The following FBN3 variants were observed in gnomAD, a reference collection of about 807,000 sequenced individuals.
The protein encoded by FBN3 is fibrillin 3, also known as fibrillin-3.
In FBN3, 234 loss-of-function variants were observed where a neutral mutation model predicts 330.1. The ratio of observed to expected loss-of-function variants is 0.71; its 90% CI spans 0.64 to 0.79. The LOEUF (loss-of-function observed/expected upper bound fraction) is 0.79, where lower values mean the gene tolerates loss of function less well. Ranked by LOEUF, FBN3 falls within the 30% of genes least tolerant of loss-of-function variation. The pLI, the probability that FBN3 is intolerant of heterozygous loss-of-function variation, is 0.00. For missense variants in FBN3, 3,606 were observed against 3,886.9 expected (o/e 0.93, Z 1.92); for synonymous variants, 1,458 against 1,517.3 (o/e 0.96, Z 0.91).
chr19:8,138,382 A>G (rs1405341774), intron 9 of FBN3, 30 bp downstream of exon 9: 7 of 1,610,058 alleles, frequency 4.3e-6, no homozygotes, highest in Non-Finnish European at 5.1e-6. Flanking sequence ...CTCCTCACCC[A>G]CAGCCCTGCA....
Position 8,083,238 on chromosome 19 carries a change from T to C in FBN3, c.7213+9A>G. 1 of 1,613,914 alleles carries C rather than the reference T, an allele frequency of 6.2e-7. No individual in the cohort carries two copies. The highest frequency in any genetic ancestry group is 8.5e-7 in the Non-Finnish European group (1 of 1,180,000). On this transcript the variant is annotated intron_variant, in intron 57 of 63. Coordinates refer to ENST00000600128, the MANE Select transcript of FBN3 (RefSeq NM_032447.5). ...GGCCAAGGGTGCAGGTGCAGAGGGC[T>C]GGGCTCACCCAGGCAGGTAGTAGCA...
chr19:8,120,754 G>C (rs1465399940), intron 25 of FBN3, among the ~76,000 whole-genome samples: 1 of 152,210 alleles, frequency 6.6e-6, no homozygotes, highest in Non-Finnish European at 1.5e-5. Flanking sequence ...TGGGATTACA[G>C]GCGAGGGCCA....
chr19:8,108,871 A>C (rs1323939545), intron 36 of FBN3, among the ~76,000 whole-genome samples: 2 of 152,152 alleles, frequency 1.3e-5, no homozygotes, highest in African/African-American at 4.8e-5. Context: ...CACAGTCCTG[A>C]AACTGTTGAT....
intron 8 of FBN3, 93 bp from the exon 9 acceptor site, chr19:8,138,657 C>T (rs1398530300): frequency 3.5e-5 from 48 of 1,359,698 alleles, no homozygotes; most frequent in African/African-American, 4.3e-5. Context: ...GCCTGTAGGA[C>T]GGGTCTGTTT....
intron 63 of FBN3, among the ~76,000 whole-genome samples, chr19:8,071,400 G>A (rs1430151744): frequency 1.3e-5 from 2 of 152,202 alleles, no homozygotes; most frequent in African/African-American, 4.8e-5. Flanking sequence ...GAGGGGTACA[G>A]GGCAGATGCT....
chr19:8,095,273 T>C, intron 46 of FBN3, 102 bp downstream of exon 46: 1 of 1,228,712 alleles, frequency 8.1e-7, no homozygotes, highest in Non-Finnish European at 1.1e-6. Flanking sequence ...AAATAAATGC[T>C]TGGGTAGTAA....
chr19:8,142,179 CCT>C (rs2083433388), intron 6 of FBN3, 42 bp from the exon 7 acceptor site: 1 of 1,528,846 alleles, frequency 6.5e-7, no homozygotes, highest in African/African-American at 1.4e-5. Flanking sequence ...GAGGGCTGCC[CCT>C]GTCTGGAGAT....
chr19:8,116,377 C>CT (rs1249366262), intron 29 of FBN3, among the ~76,000 whole-genome samples: 5 of 152,184 alleles, frequency 3.3e-5, no homozygotes, highest in African/African-American at 1.2e-4. Context: ...ACACAATCCT[C>CT]TGATAGATGT....
At chr19:8,074,919 G>T in intron 61 of FBN3, 152 bp downstream of exon 61, 1 of 966,366 alleles carries the variant, frequency 1.0e-6, no homozygotes, top group Non-Finnish European at 1.5e-6. Flanking sequence ...TGACTCCCCA[G>T]CAGTGGGGAA....
chr19:8,097,085 G>T, intron 42 of FBN3, 79 bp from the exon 43 acceptor site: 1 of 1,557,988 alleles, frequency 6.4e-7, no homozygotes, highest in Non-Finnish European at 8.7e-7. Context: ...CCAGTCCACT[G>T]CTTCGGAGCA....
intron 57 of FBN3, 37 bp from the exon 58 acceptor site, chr19:8,081,517 G>A (rs759646741): frequency 1.3e-6 from 2 of 1,562,520 alleles, no homozygotes; most frequent in Non-Finnish European, 1.7e-6. Context: ...GGCGGGGTTA[G>A]ACAGACATTC....
intron 53 of FBN3, 54 bp from the exon 54 acceptor site, chr19:8,087,265 G>A: frequency 6.6e-7 from 1 of 1,504,410 alleles, no homozygotes; most frequent in Non-Finnish European, 8.8e-7. Context: ...CTATGGCTGT[G>A]GGGACCTGGA....
At chr19:8,124,157 C>A (rs1047096703) in intron 22 of FBN3, 149 bp from the exon 23 acceptor site, 1 of 677,264 alleles carries the variant, frequency 1.5e-6, no homozygotes, top group Non-Finnish European at 2.7e-6. Context: ...TTCCTCCAGG[C>A]ACTGTCTGGG....
At chr19:8,113,696 G>A (rs779501963) in intron 30 of FBN3, among the ~76,000 whole-genome samples, 4 of 151,870 alleles carry the variant, frequency 2.6e-5, no homozygotes, top group Non-Finnish European at 4.4e-5. Context: ...GCGACACAGC[G>A]AGACCTCATC....
rs778754166 is a variant in FBN3 at position 8,121,223 on chromosome 19, G to A, written c.3211+35C>T. The A allele has an allele frequency of 3.2e-6, 5 of 1,552,528 alleles. No individual in the cohort carries two copies. Among genetic ancestry groups the A allele is most frequent in the South Asian group, 2.4e-5 (2 of 81,764 alleles). ...TCTCCTCAATGCCCTCCCTGCCCAGGGCGCCCACCACACCCCTGCCCGGCA... is the reference window on the plus strand; with the variant it reads ...TCTCCTCAATGCCCTCCCTGCCCAGAGCGCCCACCACACCCCTGCCCGGCA... On this transcript the variant is annotated intron_variant, in intron 25 of 63. Transcript: ENST00000600128. This position sits in a 1 kb window ranked among gnomAD's most constrained non-coding sequence, Gnocchi z 4.5.
intron 59 of FBN3, 59 bp downstream of exon 59, chr19:8,080,944 C>A: frequency 7.9e-7 from 1 of 1,266,682 alleles, no homozygotes. Context: ...TTTTGGTGAG[C>A]AAAATAACTA....
Position 8,129,394 on chromosome 19 carries a change from C to T in FBN3, c.2045-29G>A, listed in dbSNP as rs369866272. ...CGGCAGGAGGAGGGTGTGTCAGCAG[C>T]AGCAGAAGGAGGGTGTGTCCGAGGC... On this transcript the variant is annotated intron_variant, in intron 16 of 63. Coordinates refer to ENST00000600128, the MANE Select transcript of FBN3 (RefSeq NM_032447.5). The surrounding 1 kb of genome is among the most constrained non-coding windows in gnomAD (Gnocchi z 4.5). 6.2e-7 allele frequency: 1 copy of T among 1,611,240 alleles called. No individual in the cohort carries two copies.
Position 8,093,439 on chromosome 19 carries a change from T to C in FBN3, c.5905+1007A>G, listed in dbSNP as rs377042764. Among the ~76,000 whole-genome samples the C allele has an allele frequency of 2.9e-3, 434 of 152,154 alleles. 3 individuals carry two copies. The highest frequency in any genetic ancestry group is 8.9e-3 in the African/African-American group (371 of 41,532). On this transcript the variant is annotated intron_variant, in intron 47 of 63. Coordinates refer to ENST00000600128, the MANE Select transcript of FBN3 (RefSeq NM_032447.5). ...GAGATCGAGAGCATCCTGGCTAACA[T>C]GGTGAAACCCCGTCTCTACTAAAAA...
intron 16 of FBN3, among the ~76,000 whole-genome samples, chr19:8,130,054 C>T (rs954891315): frequency 5.9e-5 from 9 of 151,992 alleles, no homozygotes; most frequent in African/African-American, 2.2e-4. Flanking sequence ...CCTGCCACCA[C>T]GGCTGGCTAA....
Sources: allele counts gnomAD v4.1 joint callset (sites outside exome capture counted in the v4.1 genomes callset), GRCh38; gene constraint gnomAD v4.1.1; non-coding constraint Gnocchi (gnomAD v3.1); transcripts MANE v1.5; gene names NCBI Gene and HGNC (gene_info 2026-07-23, HGNC 2026-07-21).